FOXRED2: variants seen among roughly 807,000 people sequenced by gnomAD.
FOXRED2 encodes the protein FAD dependent oxidoreductase domain containing 2, also known as FAD-dependent oxidoreductase domain-containing protein 2.
Under a neutral mutation model 52.5 loss-of-function variants are expected in FOXRED2, and 32 were observed. That is an observed-to-expected ratio of 0.61 (90% CI 0.46 to 0.82). The LOEUF (loss-of-function observed/expected upper bound fraction) is 0.82. Ranked by LOEUF, FOXRED2 falls within the 40% of genes least tolerant of loss-of-function variation. The pLI is 0.00. For synonymous variants in FOXRED2, 405 were observed against 398.1 expected (o/e 1.02, Z -0.21); for missense variants, 848 against 937.5 (o/e 0.90, Z 1.25).
intron 6 of FOXRED2, among the ~76,000 whole-genome samples, chr22:36,497,293 T>G (rs1237581504): frequency 6.6e-6 from 1 of 151,576 alleles, no homozygotes; most frequent in African/African-American, 2.4e-5. Flanking sequence ...CGAGCAGAGA[T>G]CGCACCACTG....
chr22:36,495,060 C>T (rs554336145), intron 7 of FOXRED2, among the ~76,000 whole-genome samples: 15 of 152,310 alleles, frequency 9.8e-5, no homozygotes, highest in African/African-American at 3.6e-4. Flanking sequence ...AAGCAATTCT[C>T]CTGCCTCAGC....
chr22:36,493,570 G>T, intron 8 of FOXRED2, 63 bp downstream of exon 8: 2 of 1,463,144 alleles, frequency 1.4e-6, no homozygotes, highest in South Asian at 2.5e-5. Context: ...CGGGTCTTGG[G>T]TCTCTGTGAC....
At chr22:36,497,961 AG>A in intron 6 of FOXRED2, 29 bp downstream of exon 6, 1 of 1,600,496 alleles carries the variant, frequency 6.2e-7, no homozygotes, top group Non-Finnish European at 8.5e-7. Flanking sequence ...AGCTGGGCCG[AG>A]GGGAGTAGGG....
chr22:36,500,423 C>T (rs8140444), intron 5 of FOXRED2, among the ~76,000 whole-genome samples: 8 of 152,064 alleles, frequency 5.3e-5, no homozygotes, highest in African/African-American at 1.7e-4. Context: ...CCTAAAATCA[C>T]AAGTATCAAT....
At chr22:36,501,500 G>A (rs1934047985) in intron 4 of FOXRED2, 93 bp from the exon 5 acceptor site, 4 of 1,284,348 alleles carry the variant, frequency 3.1e-6, no homozygotes, top group Non-Finnish European at 3.3e-6. Context: ...CGCTCTTGTC[G>A]CCCAGGTTAG....
In FOXRED2 at chr22:36,489,403, C is replaced by A. The variant is rs1933687417; in HGVS notation, c.*605G>T. 1.3e-5 allele frequency: 2 copies of A among 152,238 alleles called. No individual in the cohort carries two copies. The allele number at this position is 152,238 out of a possible 1,614,324, so 9.4% of individuals were successfully genotyped here. A position where few individuals can be genotyped will look rare whatever the true frequency, so the allele number is the denominator to read the frequency against. On this transcript the variant is annotated 3_prime_UTR_variant, in exon 9 of 9. Transcript: ENST00000397224. ...CCCTCTTGGGCTCTGTAGCTAAGCC[C>A]AAACCCTGCTGAAAATGGGGCGGGG... is the stretch of plus-strand genomic sequence containing the variant.
At chr22:36,490,375 C>G in intron 8 of FOXRED2, 108 bp from the exon 9 acceptor site, 1 of 1,276,824 alleles carries the variant, frequency 7.8e-7, no homozygotes, top group Non-Finnish European at 1.1e-6. Context: ...GCAGGCCTTG[C>G]CTGGTATCTT....
chr22:36,505,825 G>A, intron 2 of FOXRED2, 71 bp downstream of exon 2: 1 of 1,497,188 alleles, frequency 6.7e-7, no homozygotes, highest in Non-Finnish European at 9.2e-7. Flanking sequence ...ATACCTACTG[G>A]CCAATCAAGG....
At chr22:36,505,781 AAAAGCG>A (rs1934174493) in intron 2 of FOXRED2, 109 bp downstream of exon 2, 1 of 1,211,740 alleles carries the variant, frequency 8.3e-7, no homozygotes, top group Non-Finnish European at 1.2e-6. Context: ...AAAAAAAAAA[AAAAGCG>A]AAATACCCTT....
rs1934165239 is a variant in FOXRED2 at position 36,505,458 on chromosome 22, C to G, written c.527+438G>C. Among the ~76,000 whole-genome samples, 4 of 152,288 alleles carry G rather than the reference C, an allele frequency of 2.6e-5. No individual in the cohort carries two copies. In the South Asian group the frequency reaches 8.3e-4, roughly 32 times the overall value. ...CCGGCTTGCAGAAGAATGCTTTGAT[C>G]ACAGAGTGGTTTCAAAAATAGAATT... On this transcript the variant is annotated intron_variant, in intron 2 of 8. Coordinates refer to ENST00000397224, the MANE Select transcript of FOXRED2 (RefSeq NM_001102371.2).
chr22:36,501,078 C>G, intron 5 of FOXRED2, among the ~76,000 whole-genome samples, 163 bp downstream of exon 5: 1 of 152,140 alleles, frequency 6.6e-6, no homozygotes, highest in Non-Finnish European at 1.5e-5. Flanking sequence ...AACATGTCGT[C>G]AGACCACAAA....
At position 36,501,320 on chromosome 22, in the gene FOXRED2, C is replaced by G. The variant is rs1465243214; in HGVS notation, c.1137G>C (p.Leu379=). The change falls in exon 5 of 9, where the codon CTG becomes CTC. Residue 379 remains leucine, a synonymous_variant. Transcript: ENST00000397224. Reference sequence around the variant, plus strand: ...AGTGGCTGGCAGTACCCAGGATAAACAGACCCCGGCTTCCTTTGGATTCGT... The same window carrying G: ...AGTGGCTGGCAGTACCCAGGATAAAGAGACCCCGGCTTCCTTTGGATTCGT... ...ASYESKGSRG[L]FILGTASHSV... The G allele has an allele frequency of 9.3e-6, 15 of 1,614,048 alleles. No homozygotes were observed. The highest frequency in any genetic ancestry group is 1.3e-5 in the African/African-American group (1 of 74,914).
At position 36,490,271 on chromosome 22, in the gene FOXRED2, C is replaced by T. The variant is rs764990825; in HGVS notation, c.1796-4G>A. ...AGGGCGAACAGGAAGCAGGACTCTACACAAAAGCAAAATGAGGAGAATGAG... is the reference window on the plus strand; with the variant it reads ...AGGGCGAACAGGAAGCAGGACTCTATACAAAAGCAAAATGAGGAGAATGAG... On this transcript the variant is annotated splice_polypyrimidine_tract_variant and splice_region_variant and intron_variant, in intron 8 of 8. Coordinates refer to ENST00000397224, the MANE Select transcript of FOXRED2 (RefSeq NM_001102371.2). 9.5e-6 allele frequency: 15 copies of T among 1,585,380 alleles called. No homozygotes were observed. The highest frequency in any genetic ancestry group is 1.1e-5 in the South Asian group (1 of 89,402).
At chr22:36,499,774 C>T (rs1485377763) in intron 5 of FOXRED2, among the ~76,000 whole-genome samples, 1 of 152,128 alleles carries the variant, frequency 6.6e-6, no homozygotes, top group Non-Finnish European at 1.5e-5. Context: ...AGAAGGTTAA[C>T]CACAGGAGCA....
At chr22:36,493,282 TA>T (rs1204116064) in intron 8 of FOXRED2, among the ~76,000 whole-genome samples, 1 of 151,948 alleles carries the variant, frequency 6.6e-6, no homozygotes. Context: ...TACTAAAAAA[TA>T]AAAAAATTAG....
intron 4 of FOXRED2, among the ~76,000 whole-genome samples, chr22:36,503,279 G>A (rs1236911575): frequency 6.6e-6 from 1 of 151,602 alleles, no homozygotes. Flanking sequence ...GTGAGACCAT[G>A]AGCCACTGCA....
At chr22:36,503,113 T>C (rs1934098930) in intron 4 of FOXRED2, among the ~76,000 whole-genome samples, 1 of 152,014 alleles carries the variant, frequency 6.6e-6, no homozygotes, top group South Asian at 2.1e-4. Context: ...CTTGGCCTCC[T>C]GAGTAGCTGG....
In FOXRED2 at chr22:36,504,348, G is replaced by A. The variant is rs1238350300; in HGVS notation, c.799C>T (p.Leu267=). 1 of 1,614,110 alleles carries A rather than the reference G, an allele frequency of 6.2e-7. No homozygotes were observed. Among genetic ancestry groups the A allele is most frequent in the Non-Finnish European group, 8.5e-7 (1 of 1,180,010 alleles). Residue 267 remains leucine, a synonymous_variant, in exon 4 of 9, where the codon CTG becomes TTG. Transcript: ENST00000397224. ...GDLRAINNGL[L]DTYQLKSLDG... is the part of the protein sequence containing the mutation. ...AGGGACTTGAGCTGGTAGGTATCCAGCAGGCCATTGTTGATGGCTCTGAGC... is the reference window on the plus strand; with the variant it reads ...AGGGACTTGAGCTGGTAGGTATCCAACAGGCCATTGTTGATGGCTCTGAGC...
chr22:36,487,286 T>A lies in FOXRED2; in HGVS notation c.*2722A>T, dbSNP rs1933629639. 6.6e-6 allele frequency: 1 copy of A among 152,280 alleles called. No individual in the cohort carries two copies. The highest frequency in any genetic ancestry group is 1.9e-4 in the East Asian group (1 of 5,206). The allele number at this position is 152,280 out of a possible 1,614,324, so 9.4% of individuals were successfully genotyped here. A position where few individuals can be genotyped will look rare whatever the true frequency, so the allele number is the denominator to read the frequency against. The stretch of plus-strand genomic sequence containing the variant: ...CGGAACAAGGGAGGGGAATGGGTTC[T>A]TATCCCTGATGCAGGTACCCCCTAC... On this transcript the variant is annotated 3_prime_UTR_variant, in exon 9 of 9. Coordinates refer to ENST00000397224, the MANE Select transcript of FOXRED2 (RefSeq NM_001102371.2).
Sources: allele counts gnomAD v4.1 joint callset (sites outside exome capture counted in the v4.1 genomes callset), GRCh38; gene constraint gnomAD v4.1.1; transcripts MANE v1.5; gene names NCBI Gene and HGNC (gene_info 2026-07-23, HGNC 2026-07-21).